Variants in TGFB1 observed in about 807,000 individuals in gnomAD.
TGFB1 encodes transforming growth factor beta-1 proprotein.
TGFB1 carries 19 observed loss-of-function variants against 43.8 expected under a neutral mutation model. The ratio of observed to expected loss-of-function variants is 0.43; its 90% CI spans 0.30 to 0.64. The LOEUF (loss-of-function observed/expected upper bound fraction) is 0.64. Ranked by LOEUF, TGFB1 falls within the 30% of genes least tolerant of loss-of-function variation. The pLI, the probability that TGFB1 is intolerant of heterozygous loss-of-function variation, is 0.11. For missense variants in TGFB1, 445 were observed against 529.8 expected, an observed-to-expected ratio of 0.84 and a Z score of 1.57; for synonymous variants, 221 against 236.3, an observed-to-expected ratio of 0.94 and a Z score of 0.60.
At chr19:41,336,573 G>A (rs1201947597) in intron 5 of TGFB1, among the ~76,000 whole-genome samples, 3 of 149,852 alleles carry the variant, frequency 2.0e-5, no homozygotes, top group Admixed American at 1.3e-4. Context: ...TTTTTTTTTG[G>A]GAGATGGGGT....
Position 41,353,319 on chromosome 19 carries a change from CG to C in TGFB1, c.-276del. ...ATCTGTGGCAGGTCGGAGAGAGATC[CG>C]TCTCCTGGAGGAGAAAGGGTCTAGG... On this transcript the variant is annotated 5_prime_UTR_variant, in exon 1 of 7. Coordinates refer to ENST00000221930, the MANE Select transcript of TGFB1 (RefSeq NM_000660.7). This position sits in a 1 kb window ranked among gnomAD's most constrained non-coding sequence, Gnocchi z 5.9. 2.3e-6 allele frequency: 1 copy of C among 435,246 alleles called. No homozygotes were observed. The highest frequency in any genetic ancestry group is 4.1e-6 in the Non-Finnish European group (1 of 245,164). 27.0% of individuals were successfully genotyped at this position (435,246 alleles called of 1,614,324 possible). A position where few individuals can be genotyped will look rare whatever the true frequency, so the allele number is the denominator to read the frequency against.
At chr19:41,347,746 T>A (rs1214824793) in intron 2 of TGFB1, among the ~76,000 whole-genome samples, 2 of 140,320 alleles carry the variant, frequency 1.4e-5, no homozygotes, top group East Asian at 4.3e-4. Context: ...GAGAATCACT[T>A]GAACCCAGGA....
Position 41,353,257 on chromosome 19 carries a change from G to A in TGFB1, c.-213C>T, listed in dbSNP as rs201093139. The A allele has an allele frequency of 3.6e-6, 2 of 562,618 alleles. No individual in the cohort carries two copies. The highest frequency in any genetic ancestry group is 6.0e-6 in the Non-Finnish European group (2 of 330,624). 34.9% of individuals were successfully genotyped at this position (562,618 alleles called of 1,614,324 possible). A position where few individuals can be genotyped will look rare whatever the true frequency, so the allele number is the denominator to read the frequency against. Reference sequence around the variant, plus strand: ...CCACGGAAATAACCTAGATGGGCGCGATCTGGTACCAGAAGGTGGGTGGTC... The same window carrying A: ...CCACGGAAATAACCTAGATGGGCGCAATCTGGTACCAGAAGGTGGGTGGTC... On this transcript the variant is annotated 5_prime_UTR_variant, in exon 1 of 7. Transcript: ENST00000221930. The surrounding 1 kb of genome is among the most constrained non-coding windows in gnomAD (Gnocchi z 5.9).
rs56403763 is a variant in TGFB1, at chr19:41,336,953, AT to A, written c.861-4673del. Among the ~76,000 whole-genome samples the A allele has an allele frequency of 7.4e-3, 1,037 of 140,720 alleles. 5 individuals are homozygous for A. Among genetic ancestry groups the A allele is most frequent in the African/African-American group, 0.015 (588 of 38,050 alleles). The allele number at this position is 140,720 out of a possible 152,430, so 92.3% of individuals were successfully genotyped here. A position where few individuals can be genotyped will look rare whatever the true frequency, so the allele number is the denominator to read the frequency against. On this transcript the variant is annotated intron_variant, in intron 5 of 6. Coordinates refer to ENST00000221930, the MANE Select transcript of TGFB1 (RefSeq NM_000660.7). The stretch of plus-strand genomic sequence containing the variant: ...GCAATTGGTTGATATGTCTCTTAGG[AT>A]TTTTTTTTTTTTTTAATTTTTGAGA...
intron 5 of TGFB1, among the ~76,000 whole-genome samples, chr19:41,335,989 TG>T (rs1449733304): frequency 6.7e-6 from 1 of 150,096 alleles, no homozygotes; most frequent in Non-Finnish European, 1.5e-5. Context: ...AATTTTCCTA[TG>T]AAAGTTTTTT....
intron 5 of TGFB1, among the ~76,000 whole-genome samples, chr19:41,338,975 T>C (rs1299626307): frequency 2.6e-5 from 4 of 151,850 alleles, no homozygotes; most frequent in East Asian, 3.9e-4. Context: ...GGTACGTGTG[T>C]GTGTGTGTGT....
chr19:41,333,177 G>GTT, intron 5 of TGFB1, among the ~76,000 whole-genome samples: 1 of 142,268 alleles, frequency 7.0e-6, no homozygotes, highest in South Asian at 2.3e-4. Context: ...ACTCCAGCTT[G>GTT]TTCCTTCACT....
intron 2 of TGFB1, 56 bp downstream of exon 2, chr19:41,348,239 C>A: frequency 6.2e-7 from 1 of 1,604,864 alleles, no homozygotes; most frequent in South Asian, 1.1e-5. Context: ...CCCCCTTGGT[C>A]ACAGCTCACC....
chr19:41,350,900 CAGAGAGGAGGG>C (rs1486584275), intron 1 of TGFB1: 2 of 152,064 alleles, frequency 1.3e-5, no homozygotes, highest in Non-Finnish European at 2.9e-5. Context: ...GGGAGGAAGA[CAGAGAGGAGGG>C]AGAGGAAGGG....
Position 41,348,460 on chromosome 19 carries a change from C to T in TGFB1, c.356-5G>A, listed in dbSNP as rs2038143209. The T allele has an allele frequency of 6.2e-7, 1 of 1,612,258 alleles. No homozygotes were observed. The highest frequency in any genetic ancestry group is 8.5e-7 in the Non-Finnish European group (1 of 1,179,118). On this transcript the variant is annotated splice_polypyrimidine_tract_variant and splice_region_variant and intron_variant, in intron 1 of 6. Coordinates refer to ENST00000221930, the MANE Select transcript of TGFB1 (RefSeq NM_000660.7). ...GCTTGAACTTGTCATAGATTTCTAG[C>T]AGGGAGAAATGAAGGGAGGCGATCA...
chr19:41,332,084 G>A, intron 6 of TGFB1, 44 bp downstream of exon 6: 2 of 1,593,036 alleles, frequency 1.3e-6, no homozygotes, highest in African/African-American at 1.3e-5. Context: ...CCTCCGTCCT[G>A]GCTCCCCCCA....
At chr19:41,349,917 C>G (rs2038163771) in intron 1 of TGFB1, among the ~76,000 whole-genome samples, 1 of 152,044 alleles carries the variant, frequency 6.6e-6, no homozygotes, top group Non-Finnish European at 1.5e-5. Context: ...TAATTTGCCC[C>G]AAGGTCACAT....
chr19:41,331,953 T>C (rs1019260456), intron 6 of TGFB1, 175 bp downstream of exon 6: 6 of 867,824 alleles, frequency 6.9e-6, no homozygotes, highest in Middle Eastern at 3.0e-4. Context: ...TCAGAGCCCC[T>C]CTCTAGCTTC....
chr19:41,351,954 C>T (rs1273850004), intron 1 of TGFB1, among the ~76,000 whole-genome samples: 1 of 152,084 alleles, frequency 6.6e-6, no homozygotes, highest in Non-Finnish European at 1.5e-5. Flanking sequence ...CCACTCTGTC[C>T]CTCACGTCCC....
intron 5 of TGFB1, among the ~76,000 whole-genome samples, chr19:41,338,415 A>G (rs1358658737): frequency 4.3e-5 from 6 of 138,340 alleles, no homozygotes; most frequent in Non-Finnish European, 6.2e-5. Flanking sequence ...AATTGCTTGA[A>G]CCCCCGGGAG....
intron 1 of TGFB1, chr19:41,351,113 A>C (rs2038186613): frequency 6.6e-6 from 1 of 152,616 alleles, no homozygotes; most frequent in African/African-American, 2.4e-5. Flanking sequence ...GTGCGAGACG[A>C]GACACATGTG....
intron 6 of TGFB1, 105 bp downstream of exon 6, chr19:41,332,023 C>G: frequency 6.9e-7 from 1 of 1,455,558 alleles, no homozygotes; most frequent in Non-Finnish European, 9.4e-7. Context: ...CTCTTTCTCC[C>G]CATCCTGCCA....
chr19:41,335,461 C>T (rs140491174), intron 5 of TGFB1, among the ~76,000 whole-genome samples: 8 of 152,292 alleles, frequency 5.3e-5, no homozygotes, highest in African/African-American at 1.4e-4. Context: ...CACGTGAGCT[C>T]CCAGGACCAG....
chr19:41,333,757 G>A (rs545021585), intron 5 of TGFB1, among the ~76,000 whole-genome samples: 23 of 152,320 alleles, frequency 1.5e-4, no homozygotes, highest in African/African-American at 5.1e-4. Flanking sequence ...GTAAATATCA[G>A]TTACATGACT....
Sources: gnomAD v4.1 joint callset for allele counts (sites outside exome capture counted in the v4.1 genomes callset) on GRCh38, gnomAD v4.1.1 for gene constraint, Gnocchi (gnomAD v3.1) non-coding constraint, MANE v1.5 for transcripts, NCBI Gene and HGNC (gene_info 2026-07-23, HGNC 2026-07-21) for gene names.